SP4: variants seen among roughly 807,000 people sequenced by gnomAD.
SP4 encodes transcription factor Sp4.
SP4 carries 19 observed loss-of-function variants against 72.8 expected under a neutral mutation model. That is an observed-to-expected ratio of 0.26 (90% CI 0.18 to 0.38). The LOEUF (loss-of-function observed/expected upper bound fraction) is 0.38, where lower values mean the gene tolerates loss of function less well. SP4 is among the 10% of genes least tolerant of loss of function. The pLI, the probability that SP4 is intolerant of heterozygous loss-of-function variation, is 1.00. For synonymous variants in SP4, 395 were observed against 333.1 expected (o/e 1.19, Z -2.02); for missense variants, 1,008 against 926.3 (o/e 1.09, Z -1.14).
At position 21,428,186 on chromosome 7, in the gene SP4, T is replaced by TCCCCC; in HGVS notation, c.-65_-64insCCCCC. 3.4e-6 allele frequency: 1 copy of TCCCCC among 297,750 alleles called. No homozygotes were observed. 18.4% of individuals were successfully genotyped at this position (297,750 alleles called of 1,614,324 possible). The stretch of plus-strand genomic sequence containing the variant: ...GGCGGGACCGGCCTCTCCTCCCGCC[T>TCCCCC]CGCCCCCACCCCCACCCACCTCTAT... On this transcript the variant is annotated 5_prime_UTR_variant, in exon 1 of 6. Coordinates refer to ENST00000222584, the MANE Select transcript of SP4 (RefSeq NM_003112.5).
At chr7:21,510,939 T>C (rs192222954) in intron 5 of SP4, 83 bp from the exon 6 acceptor site, 2 of 1,346,462 alleles carry the variant, frequency 1.5e-6, no homozygotes, top group Admixed American at 4.6e-5. Context: ...AGTCATATAA[T>C]GTGACCAGAA....
chr7:21,465,480 A>T (rs1784137872), intron 3 of SP4, among the ~76,000 whole-genome samples: 1 of 152,226 alleles, frequency 6.6e-6, no homozygotes, highest in African/African-American at 2.4e-5. Context: ...AACCTCCCCA[A>T]ATCTTAGAAG....
Position 21,444,125 on chromosome 7 carries a change from A to G in SP4, c.1678+13282A>G, listed in dbSNP as rs562640015. 2.4e-4 allele frequency among the ~76,000 whole-genome samples: 37 copies of G among 152,286 alleles called. No homozygotes were observed. The South Asian group carries it at 6.8e-3, about 28-fold the overall frequency. On this transcript the variant is annotated intron_variant, in intron 3 of 5. Coordinates refer to ENST00000222584, the MANE Select transcript of SP4 (RefSeq NM_003112.5). ...CTTTCATCTATTACCTGTACTCCCT[A>G]CTGGCAGACTGCATCCATGAATTCA...
intron 5 of SP4, among the ~76,000 whole-genome samples, chr7:21,491,712 C>G (rs1377400800): frequency 2.0e-5 from 3 of 152,126 alleles, no homozygotes; most frequent in Admixed American, 6.5e-5. Flanking sequence ...TTCTTAGAAA[C>G]TATGGAGGAC....
At chr7:21,454,156 G>C (rs1322427518) in intron 3 of SP4, among the ~76,000 whole-genome samples, 1 of 152,176 alleles carries the variant, frequency 6.6e-6, no homozygotes, top group East Asian at 1.9e-4. Flanking sequence ...TAGGACACCA[G>C]ACAGAAGTGT....
chr7:21,472,558 G>A (rs986977730), intron 3 of SP4, among the ~76,000 whole-genome samples: 6 of 152,030 alleles, frequency 3.9e-5, no homozygotes, highest in African/African-American at 1.4e-4. Context: ...CTCCCAAAGT[G>A]CGGGGATTAC....
At chr7:21,504,760 T>C (rs2128416781) in intron 5 of SP4, among the ~76,000 whole-genome samples, 1 of 152,336 alleles carries the variant, frequency 6.6e-6, no homozygotes, top group East Asian at 1.9e-4. Context: ...TTTGGTTTAA[T>C]ATATTCCTGA....
At chr7:21,495,578 A>G (rs1781685489) in intron 5 of SP4, among the ~76,000 whole-genome samples, 1 of 152,170 alleles carries the variant, frequency 6.6e-6, no homozygotes, top group African/African-American at 2.4e-5. Flanking sequence ...ATCAAAAGCA[A>G]GAACCATGAG....
In SP4 at chr7:21,430,409, A is replaced by G; in HGVS notation, c.1244A>G (p.Gln415Arg). 6.2e-7 allele frequency: 1 copy of G among 1,614,228 alleles called. No individual in the cohort carries two copies. The highest frequency in any genetic ancestry group is 8.5e-7 in the Non-Finnish European group (1 of 1,180,044). ...QQIQIQQPQQ[Q>R]IIQAIPPQSF... ...ATCCAGATCCAACAGCCTCAGCAAC[A>G]GATCATTCAGGCTATTCCACCACAG... is the stretch of plus-strand genomic sequence containing the variant. Residue 415 changes from glutamine to arginine, a missense_variant, in exon 3 of 6, where the codon CAG becomes CGG. Gln to Arg is a conservative substitution (Grantham distance 43). Coordinates refer to ENST00000222584, the MANE Select transcript of SP4 (RefSeq NM_003112.5).
intron 3 of SP4, among the ~76,000 whole-genome samples, chr7:21,462,275 A>C (rs1784019309): frequency 6.6e-6 from 1 of 152,058 alleles, no homozygotes; most frequent in Non-Finnish European, 1.5e-5. Flanking sequence ...GAAATGGGGA[A>C]GCCAGTTTCG....
chr7:21,474,413 G>A (rs149226162), intron 3 of SP4, among the ~76,000 whole-genome samples: 1,827 of 152,258 alleles, frequency 0.012, 28 homozygotes, highest in African/African-American at 0.042. Flanking sequence ...TATAGTGCTT[G>A]TTCAGACAGT....
In SP4 at chr7:21,429,347, C is replaced by A. The variant is rs1782748790; in HGVS notation, c.182C>A (p.Pro61His). The A allele has an allele frequency of 6.2e-7, 1 of 1,613,636 alleles. No individual in the cohort carries two copies. The highest frequency in any genetic ancestry group is 8.5e-7 in the Non-Finnish European group (1 of 1,179,966). The change falls in exon 3 of 6, where the codon CCT becomes CAT. Residue 61 changes from proline to histidine, a missense_variant. Pro to His is a moderately conservative substitution (Grantham distance 77). Coordinates refer to ENST00000222584, the MANE Select transcript of SP4 (RefSeq NM_003112.5). ...GCTACTTGCAGCAAAATAGGGACTC[C>A]TGGTGAAAATCAAGCAACTGGACAA... ...LAATCSKIGTPGENQATGQQQ... is the reference protein window; with the variant it reads ...LAATCSKIGTHGENQATGQQQ...
intron 5 of SP4, among the ~76,000 whole-genome samples, chr7:21,491,193 T>C (rs950907942): frequency 1.3e-5 from 2 of 152,210 alleles, no homozygotes; most frequent in African/African-American, 4.8e-5. Context: ...GGCAGAAGTT[T>C]TTAGCAGAGA....
Position 21,428,202 on chromosome 7 carries a change from C to CCCCCCCCA in SP4, c.-49_-48insCCCCCCAC. The CCCCCCCCA allele has an allele frequency of 8.3e-7, 1 of 1,206,786 alleles. No homozygotes were observed. The highest frequency in any genetic ancestry group is 1.2e-6 in the Non-Finnish European group (1 of 846,182). 74.8% of individuals were successfully genotyped at this position (1,206,786 alleles called of 1,614,324 possible). Reference sequence around the variant, plus strand: ...CCTCCCGCCTCGCCCCCACCCCCACCCACCTCTATCCCAGTGTCTCCGTCT... The same window carrying CCCCCCCCA: ...CCTCCCGCCTCGCCCCCACCCCCACCCCCCCCCACACCTCTATCCCAGTGTCTCCGTCT... On this transcript the variant is annotated 5_prime_UTR_variant, in exon 1 of 6. Coordinates refer to ENST00000222584, the MANE Select transcript of SP4 (RefSeq NM_003112.5).
At chr7:21,449,651 C>T (rs1451196817) in intron 3 of SP4, among the ~76,000 whole-genome samples, 1 of 152,078 alleles carries the variant, frequency 6.6e-6, no homozygotes, top group Admixed American at 6.5e-5. Flanking sequence ...ATGACAAATT[C>T]TCATCTATAA....
intron 4 of SP4, among the ~76,000 whole-genome samples, chr7:21,480,478 T>C (rs1784653580): frequency 6.6e-6 from 1 of 152,202 alleles, no homozygotes; most frequent in South Asian, 2.1e-4. Context: ...TTTCTAGGAA[T>C]TTGTCCATCT....
At position 21,429,368 on chromosome 7, in the gene SP4, GACA is replaced by G. The variant is rs1782749788; in HGVS notation, c.211_213del (p.Gln71del). On this transcript the variant is annotated inframe_deletion, in exon 3 of 6. Transcript: ENST00000222584. ...ACTCCTGGTGAAAATCAAGCAACTG[GACA>G]ACAACAAATTATTATAGATCCAAGT... The G allele has an allele frequency of 2.5e-6, 4 of 1,613,870 alleles. No individual in the cohort carries two copies. In the East Asian group the frequency reaches 6.7e-5, roughly 27 times the overall value.
chr7:21,503,434 T>C (rs1562630024), intron 5 of SP4, among the ~76,000 whole-genome samples: 1 of 152,172 alleles, frequency 6.6e-6, no homozygotes, highest in Non-Finnish European at 1.5e-5. Flanking sequence ...TTTGGTGATA[T>C]GCTTTGTGAG....
intron 3 of SP4, among the ~76,000 whole-genome samples, chr7:21,437,872 G>A (rs1783099663): frequency 6.6e-6 from 1 of 152,094 alleles, no homozygotes; most frequent in South Asian, 2.1e-4. Context: ...TGACAGACTC[G>A]CAAATGTATC....
Sources: allele counts gnomAD v4.1 joint callset (sites outside exome capture counted in the v4.1 genomes callset), GRCh38; gene constraint gnomAD v4.1.1; transcripts MANE v1.5; gene names NCBI Gene and HGNC (gene_info 2026-07-23, HGNC 2026-07-21).